CFAP20DC: variants seen among roughly 807,000 people sequenced by gnomAD.
CFAP20DC encodes protein CFAP20DC.
A neutral mutation model predicts 101.7 loss-of-function variants in CFAP20DC; 84 were observed. The observed-to-expected ratio is 0.83, with a 90% CI of 0.69 to 0.99. The LOEUF is 0.99. Ranked by LOEUF, CFAP20DC falls within the 50% of genes least tolerant of loss-of-function variation. The pLI is 0.00. For synonymous variants in CFAP20DC, 359 were observed against 351.2 expected (o/e 1.02, Z -0.25); for missense variants, 1,007 against 970.3 (o/e 1.04, Z -0.50).
chr3:59,047,695 C>A (rs1477113889), intron 1 of CFAP20DC, among the ~76,000 whole-genome samples: 1 of 152,182 alleles, frequency 6.6e-6, no homozygotes, highest in Admixed American at 6.5e-5. Context: ...CTGACTGAGG[C>A]TCCAACACTG....
chr3:58,939,420 T>G (rs1358225704), intron 4 of CFAP20DC, among the ~76,000 whole-genome samples: 3 of 152,158 alleles, frequency 2.0e-5, no homozygotes, highest in Admixed American at 2.0e-4. Flanking sequence ...AGGGCTACTG[T>G]GCTTTCATGA....
At chr3:58,862,045 T>C (rs985876128) in intron 12 of CFAP20DC, 7 of 984,726 alleles carry the variant, frequency 7.1e-6, no homozygotes, top group Non-Finnish European at 1.2e-6. Flanking sequence ...CTGTTTCTTC[T>C]AAAGGCTTAG....
At chr3:58,791,649 T>A (rs1451971238) in intron 15 of CFAP20DC, among the ~76,000 whole-genome samples, 1 of 152,202 alleles carries the variant, frequency 6.6e-6, no homozygotes, top group Non-Finnish European at 1.5e-5. Context: ...GGGTATGTTA[T>A]GCTTGATAAC....
Position 58,861,159 on chromosome 3 carries a change from T to C in CFAP20DC, c.1593+2399A>G, listed in dbSNP as rs892965649. 5.9e-6 allele frequency: 1 copy of C among 170,414 alleles called. No individual in the cohort carries two copies. Among genetic ancestry groups the C allele is most frequent in the African/African-American group, 2.4e-5 (1 of 41,820 alleles). 10.6% of individuals were successfully genotyped at this position (170,414 alleles called of 1,614,324 possible). A position where few individuals can be genotyped will look rare whatever the true frequency, so the allele number is the denominator to read the frequency against. ...GTACTTGTCTTCTATCCTAATAATATGATTTGATTTTGCCTAGTTTATATG... is the reference window on the plus strand; with the variant it reads ...GTACTTGTCTTCTATCCTAATAATACGATTTGATTTTGCCTAGTTTATATG... On this transcript the variant is annotated intron_variant, in intron 12 of 16. Transcript: ENST00000482387. This position sits in a 1 kb window ranked among gnomAD's most constrained non-coding sequence, Gnocchi z 4.0.
rs144283752 is a variant in CFAP20DC at position 58,766,294 on chromosome 3, CTA to C, written c.2238-12433_2238-12432del. 9.9e-3 allele frequency among the ~76,000 whole-genome samples: 1,506 copies of C among 152,192 alleles called. 23 individuals are homozygous for C. The highest frequency in any genetic ancestry group is 0.035 in the African/African-American group (1,455 of 41,528). ...AGTGGGTAGGATTTGGGCCTACAGG[CTA>C]TATAGTTCAATGACCCATGCCTTAG... On this transcript the variant is annotated intron_variant, in intron 15 of 16. Transcript: ENST00000482387.
intron 5 of CFAP20DC, among the ~76,000 whole-genome samples, chr3:58,929,011 C>A (rs1412660674): frequency 2.0e-5 from 3 of 152,118 alleles, no homozygotes; most frequent in Non-Finnish European, 4.4e-5. Context: ...CTTTGCTCCA[C>A]AGTACCTATT....
intron 15 of CFAP20DC, among the ~76,000 whole-genome samples, chr3:58,773,573 T>A (rs1403212009): frequency 1.3e-5 from 2 of 151,994 alleles, no homozygotes; most frequent in Admixed American, 6.6e-5. Flanking sequence ...AATAAATTTT[T>A]AAAAAAGTAA....
intron 13 of CFAP20DC, among the ~76,000 whole-genome samples, chr3:58,845,881 T>C (rs2077591999): frequency 6.7e-6 from 1 of 150,328 alleles, no homozygotes; most frequent in African/African-American, 2.5e-5. Context: ...ATAAATGTAA[T>C]CCAGCATATA....
chr3:58,870,178 T>C lies in CFAP20DC; in HGVS notation c.847A>G (p.Ser283Gly), dbSNP rs1481838700. 2.5e-6 allele frequency: 4 copies of C among 1,610,046 alleles called. No individual in the cohort carries two copies. The highest frequency in any genetic ancestry group is 3.4e-6 in the Non-Finnish European group (4 of 1,177,690). Residue 283 changes from serine to glycine, a missense_variant, in exon 8 of 17, where the codon AGC becomes GGC. Coordinates refer to ENST00000482387, the MANE Select transcript of CFAP20DC (RefSeq NM_001394063.1). ...TCTCCAAACCTTGCTCCTACCTCGCTGGATATCTTCATGTTATTCCTTCTG... is the reference window on the plus strand; with the variant it reads ...TCTCCAAACCTTGCTCCTACCTCGCCGGATATCTTCATGTTATTCCTTCTG... ...SGRRNNMKIS[S>G]ETVRSVGSKN...
chr3:59,035,048 C>T (rs781247947), intron 4 of CFAP20DC, among the ~76,000 whole-genome samples: 16 of 152,164 alleles, frequency 1.1e-4, no homozygotes, highest in Non-Finnish European at 2.2e-4. Flanking sequence ...TCACTCAAAA[C>T]CCCACAACTA....
intron 4 of CFAP20DC, among the ~76,000 whole-genome samples, chr3:59,032,323 G>A (rs1056348697): frequency 4.0e-5 from 6 of 151,778 alleles, no homozygotes; most frequent in African/African-American, 1.5e-4. Context: ...ATATCCCAGT[G>A]GCACCTGGAA....
chr3:58,850,107 A>C (rs2078088799), intron 12 of CFAP20DC, among the ~76,000 whole-genome samples: 1 of 152,194 alleles, frequency 6.6e-6, no homozygotes, highest in Admixed American at 6.5e-5. Context: ...AAAAGTTTAA[A>C]TTTTTAAAAT....
At chr3:58,988,994 T>C (rs1420085123) in intron 4 of CFAP20DC, among the ~76,000 whole-genome samples, 1 of 152,116 alleles carries the variant, frequency 6.6e-6, no homozygotes, top group African/African-American at 2.4e-5. Context: ...CCAGGTTAGA[T>C]AACACAAGAT....
At chr3:58,816,618 C>G (rs1380346159) in intron 14 of CFAP20DC, among the ~76,000 whole-genome samples, 1 of 144,152 alleles carries the variant, frequency 6.9e-6, no homozygotes, top group African/African-American at 2.9e-5. Flanking sequence ...GATTATATCC[C>G]ACACCTGGCT....
chr3:58,814,485 T>C lies in CFAP20DC; in HGVS notation c.2176-8029A>G, dbSNP rs575312038. 4.5e-3 allele frequency among the ~76,000 whole-genome samples: 676 copies of C among 151,142 alleles called. 14 individuals carry two copies. The highest frequency in any genetic ancestry group is 0.015 in the African/African-American group (631 of 40,762). On this transcript the variant is annotated intron_variant, in intron 14 of 16. Coordinates refer to ENST00000482387, the MANE Select transcript of CFAP20DC (RefSeq NM_001394063.1). Reference sequence around the variant, plus strand: ...CCTCTCTCACCACTCCTATTCAACATAGTGTTGGAAGTTCTGGCCAGGGCA... The same window carrying C: ...CCTCTCTCACCACTCCTATTCAACACAGTGTTGGAAGTTCTGGCCAGGGCA...
chr3:58,999,319 G>A (rs2093235890), intron 4 of CFAP20DC, among the ~76,000 whole-genome samples: 1 of 152,184 alleles, frequency 6.6e-6, no homozygotes, highest in Admixed American at 6.5e-5. Context: ...GAAAAATGCC[G>A]ACTAGAGATA....
chr3:58,719,178 G>C (rs1375871952), intron 3 of CFAP20DC, among the ~76,000 whole-genome samples: 1 of 152,164 alleles, frequency 6.6e-6, no homozygotes, highest in Non-Finnish European at 1.5e-5. Context: ...GGGAGGTAGA[G>C]ACTGCAATGA....
chr3:58,878,261 T>C (rs1405079558), intron 7 of CFAP20DC, among the ~76,000 whole-genome samples: 1 of 152,208 alleles, frequency 6.6e-6, no homozygotes, highest in African/African-American at 2.4e-5. Context: ...ACCTCATTAA[T>C]AAAAAGTTTA....
At chr3:58,827,421 G>T in intron 14 of CFAP20DC, among the ~76,000 whole-genome samples, 1 of 117,356 alleles carries the variant, frequency 8.5e-6, no homozygotes, top group Non-Finnish European at 1.7e-5. Flanking sequence ...TGTGTATGTT[G>T]GGTGGGGGGT....
Sources: gnomAD v4.1 joint callset for allele counts (sites outside exome capture counted in the v4.1 genomes callset) on GRCh38, gnomAD v4.1.1 for gene constraint, Gnocchi (gnomAD v3.1) non-coding constraint, MANE v1.5 for transcripts, NCBI Gene and HGNC (gene_info 2026-07-23, HGNC 2026-07-21) for gene names.